Variants in ASAP2 observed in about 807,000 individuals in gnomAD.
ASAP2 encodes arf-GAP with SH3 domain, ANK repeat and PH domain-containing protein 2.
A neutral mutation model predicts 131.4 loss-of-function variants in ASAP2; 45 were observed. The ratio of observed to expected loss-of-function variants is 0.34; its 90% CI spans 0.27 to 0.44. ASAP2 has a LOEUF of 0.44. Among genes scored for constraint, ASAP2 ranks in the 20% least tolerant of loss-of-function variants. The pLI is 1.00. For synonymous variants in ASAP2, 510 were observed against 503.0 expected (o/e 1.01, Z -0.19); for missense variants, 1,011 against 1,297.0 (o/e 0.78, Z 3.39).
chr2:9,314,168 G>C (rs2148472872), intron 3 of ASAP2, among the ~76,000 whole-genome samples: 1 of 152,186 alleles, frequency 6.6e-6, no homozygotes, highest in Non-Finnish European at 1.5e-5. Context: ...ATTTTTAATA[G>C]AGATGGGGTT....
chr2:9,244,732 C>A (rs2148099792), intron 1 of ASAP2, among the ~76,000 whole-genome samples: 1 of 152,272 alleles, frequency 6.6e-6, no homozygotes, highest in Admixed American at 6.5e-5. Context: ...GAGCACCTTC[C>A]CAGGTACCCA....
intron 6 of ASAP2, among the ~76,000 whole-genome samples, chr2:9,326,007 T>G (rs1295211777): frequency 6.6e-6 from 1 of 152,218 alleles, no homozygotes; most frequent in Non-Finnish European, 1.5e-5. Context: ...AGGCCTTTCT[T>G]TCCATGGGTG....
At chr2:9,239,477 G>A (rs577247540) in intron 1 of ASAP2, among the ~76,000 whole-genome samples, 1 of 152,150 alleles carries the variant, frequency 6.6e-6, no homozygotes, top group South Asian at 2.1e-4. Context: ...GGTGGTGGGG[G>A]GAGATAATAA....
At chr2:9,397,748 A>AT (rs1268045075) in intron 24 of ASAP2, among the ~76,000 whole-genome samples, 3,206 of 65,532 alleles carry the variant, frequency 0.049, 272 homozygotes, top group Non-Finnish European at 0.066. Flanking sequence ...ATATATATAT[A>AT]TATTTTTTTT....
rs1410003066 is a variant in ASAP2, at chr2:9,389,989, C to A, written c.2384-1073C>A. The stretch of plus-strand genomic sequence containing the variant: ...CAAGATGATTTTGATCATCCTCCTT[C>A]CCAGCAGTGGCTTTTGCTGACTGTG... On this transcript the variant is annotated intron_variant, in intron 22 of 27. Transcript: ENST00000281419. This position sits in a 1 kb window ranked among gnomAD's most constrained non-coding sequence, Gnocchi z 4.7. Among the ~76,000 whole-genome samples, 2 of 152,226 alleles carry A rather than the reference C, an allele frequency of 1.3e-5. No individual in the cohort carries two copies. The highest frequency in any genetic ancestry group is 1.3e-4 in the Admixed American group (2 of 15,266).
chr2:9,399,865 C>A, intron 24 of ASAP2, 158 bp from the exon 25 acceptor site: 1 of 708,870 alleles, frequency 1.4e-6, no homozygotes, highest in Non-Finnish European at 2.4e-6. Context: ...GCCTCTCATT[C>A]TTCCTTTTCC....
chr2:9,221,942 C>T (rs560691508), intron 1 of ASAP2, among the ~76,000 whole-genome samples: 69 of 152,126 alleles, frequency 4.5e-4, no homozygotes, highest in Admixed American at 9.2e-4. Flanking sequence ...TACAGGTGCC[C>T]GCCACCACGC....
At chr2:9,236,693 GTGTA>G (rs930287735) in intron 1 of ASAP2, among the ~76,000 whole-genome samples, 6 of 152,168 alleles carry the variant, frequency 3.9e-5, no homozygotes, top group African/African-American at 1.4e-4. Flanking sequence ...AGGTGGTTGT[GTGTA>G]TGTATGAGAG....
intron 1 of ASAP2, among the ~76,000 whole-genome samples, chr2:9,208,104 C>A (rs755429634): frequency 6.6e-6 from 1 of 152,170 alleles, no homozygotes; most frequent in African/African-American, 2.4e-5. Context: ...GGCACATCCT[C>A]ACCTGCAGTC....
Position 9,307,156 on chromosome 2 carries a change from A to G in ASAP2, c.345+9711A>G, listed in dbSNP as rs549432114. Among the ~76,000 whole-genome samples the G allele has an allele frequency of 4.6e-5, 7 of 152,336 alleles. No individual in the cohort carries two copies. The East Asian group carries it at 1.3e-3, about 29-fold the overall frequency. On this transcript the variant is annotated intron_variant, in intron 3 of 27. Coordinates refer to ENST00000281419, the MANE Select transcript of ASAP2 (RefSeq NM_003887.3). ...GGCTCTCCAGCTGGAGTGCATCAGC[A>G]TCGCCTGCGTGGCTTGTTAGACCAC...
intron 16 of ASAP2, among the ~76,000 whole-genome samples, chr2:9,369,986 A>G (rs998914026): frequency 1.2e-4 from 18 of 152,246 alleles, no homozygotes; most frequent in Non-Finnish European, 2.6e-4. Flanking sequence ...GGACAGGCAC[A>G]TGCCACCACA....
intron 9 of ASAP2, among the ~76,000 whole-genome samples, chr2:9,336,885 A>G (rs1015657067): frequency 2.6e-4 from 40 of 152,250 alleles, no homozygotes; most frequent in Non-Finnish European, 7.3e-5. Context: ...CTAAGAAGGA[A>G]GATCCAACCC....
At chr2:9,226,728 A>T (rs570837857) in intron 1 of ASAP2, among the ~76,000 whole-genome samples, 1 of 152,316 alleles carries the variant, frequency 6.6e-6, no homozygotes, top group African/African-American at 2.4e-5. Flanking sequence ...GAGCCTGGAA[A>T]AACAAAGAAC....
intron 3 of ASAP2, among the ~76,000 whole-genome samples, chr2:9,306,449 G>C (rs1668947963): frequency 6.6e-6 from 1 of 151,832 alleles, no homozygotes; most frequent in Admixed American, 6.6e-5. Flanking sequence ...TGCAGGTGGA[G>C]GCATAGGGAC....
At chr2:9,370,073 C>G (rs562404462) in intron 16 of ASAP2, among the ~76,000 whole-genome samples, 1 of 152,214 alleles carries the variant, frequency 6.6e-6, no homozygotes, top group East Asian at 1.9e-4. Context: ...CTCCTGACCT[C>G]GTGATCTGCC....
chr2:9,301,807 G>A (rs1230078481), intron 3 of ASAP2, among the ~76,000 whole-genome samples: 2 of 148,886 alleles, frequency 1.3e-5, no homozygotes, highest in Non-Finnish European at 3.0e-5. Flanking sequence ...CAAGCAACGT[G>A]TGTATCCATC....
rs1416649997 is a variant in ASAP2 at position 9,281,302 on chromosome 2, T to C, written c.199+1913T>C. On this transcript the variant is annotated intron_variant, in intron 2 of 27. Transcript: ENST00000281419. This position sits in a 1 kb window ranked among gnomAD's most constrained non-coding sequence, Gnocchi z 4.0. The stretch of plus-strand genomic sequence containing the variant: ...ATCTGTGTCTTATGCAAACACTGGC[T>C]GTGTAGCTGCTGCTCGTCTGGAGGA... Among the ~76,000 whole-genome samples the C allele has an allele frequency of 6.6e-6, 1 of 152,206 alleles. No individual in the cohort carries two copies. Among genetic ancestry groups the C allele is most frequent in the East Asian group, 1.9e-4 (1 of 5,206 alleles).
At position 9,213,183 on chromosome 2, in the gene ASAP2, A is replaced by G. The variant is rs111871825; in HGVS notation, c.126+5953A>G. ...CCGAAATCAGGAAAAGCCTCTCTGC[A>G]GAGGTGACATTTGAGCAGGCTGGAA... On this transcript the variant is annotated intron_variant, in intron 1 of 27. Coordinates refer to ENST00000281419, the MANE Select transcript of ASAP2 (RefSeq NM_003887.3). Among the ~76,000 whole-genome samples, 907 of 152,356 alleles carry G rather than the reference A, an allele frequency of 6.0e-3. 16 individuals are homozygous for G. Among genetic ancestry groups the G allele is most frequent in the African/African-American group, 0.02 (849 of 41,580 alleles).
At chr2:9,298,853 G>A (rs1668316737) in intron 3 of ASAP2, among the ~76,000 whole-genome samples, 1 of 152,168 alleles carries the variant, frequency 6.6e-6, no homozygotes, top group African/African-American at 2.4e-5. Context: ...CAGTACAGAT[G>A]AGCAGCCTCC....
Sources: allele counts gnomAD v4.1 joint callset (sites outside exome capture counted in the v4.1 genomes callset), GRCh38; gene constraint gnomAD v4.1.1; non-coding constraint Gnocchi (gnomAD v3.1); transcripts MANE v1.5; gene names NCBI Gene and HGNC (gene_info 2026-07-23, HGNC 2026-07-21).